The following ROBO2 variants were observed in gnomAD, a reference collection of about 807,000 sequenced individuals.
ROBO2 encodes roundabout guidance receptor 2.
A neutral mutation model predicts 160.8 loss-of-function variants in ROBO2; 53 were observed. The ratio of observed to expected loss-of-function variants is 0.33; its 90% CI spans 0.26 to 0.41. The LOEUF (loss-of-function observed/expected upper bound fraction) is 0.41, where lower values mean the gene tolerates loss of function less well. ROBO2 is among the 10% of genes least tolerant of loss of function. The pLI is 1.00. For missense variants in ROBO2, 1,577 were observed against 1,722.4 expected (o/e 0.92, Z 1.49); for synonymous variants, 664 against 611.7 (o/e 1.09, Z -1.26).
At chr3:77,504,009 G>C (rs2088069147) in intron 5 of ROBO2, among the ~76,000 whole-genome samples, 1 of 152,104 alleles carries the variant, frequency 6.6e-6, no homozygotes, top group Non-Finnish European at 1.5e-5. Flanking sequence ...TTTTTGGGGG[G>C]ATCTCTGTTT....
At chr3:76,234,857 A>G (rs139010392) in intron 2 of ROBO2, among the ~76,000 whole-genome samples, 1,969 of 152,252 alleles carry the variant, frequency 0.013, 32 homozygotes, top group African/African-American at 0.045. Context: ...ATATTTTGGA[A>G]GAAGAAAACT....
chr3:77,574,841 T>G (rs183759067), intron 14 of ROBO2, 111 bp downstream of exon 15: 1 of 806,590 alleles, frequency 1.2e-6, no homozygotes, highest in Non-Finnish European at 2.1e-6. Context: ...TAAAAGTAAA[T>G]TGAGGAAGTG....
intron 8 of ROBO2, among the ~76,000 whole-genome samples, chr3:77,555,791 A>C (rs2093096392): frequency 6.6e-6 from 1 of 151,956 alleles, no homozygotes. Context: ...AGATCACTGG[A>C]ATCCCTAAAT....
chr3:77,557,174 C>T lies in ROBO2; in HGVS notation c.1232-770C>T, dbSNP rs57612762. ...AGTATTTCATAAATAAAAAGCAATA[C>T]TAAGCTAAACATTTAGAAATTATGG... On this transcript the variant is annotated intron_variant, in intron 8 of 25. Coordinates refer to ENST00000461745, the Ensembl canonical transcript of ROBO2. 5.0e-3 allele frequency among the ~76,000 whole-genome samples: 754 copies of T among 151,968 alleles called. 7 individuals are homozygous for T. Among genetic ancestry groups the T allele is most frequent in the African/African-American group, 0.017 (717 of 41,512 alleles).
intron 2 of ROBO2, among the ~76,000 whole-genome samples, chr3:76,746,284 C>T (rs1482161474): frequency 2.0e-5 from 3 of 151,712 alleles, no homozygotes; most frequent in African/African-American, 4.8e-5. Context: ...AATAGTGCCG[C>T]AATAAACATA....
chr3:76,238,186 G>A (rs1705064937), intron 2 of ROBO2, among the ~76,000 whole-genome samples: 1 of 152,172 alleles, frequency 6.6e-6, no homozygotes, highest in Non-Finnish European at 1.5e-5. Flanking sequence ...GTGTTAGTCT[G>A]TTTTCACACT....
At chr3:77,180,117 G>A (rs1288390168) in intron 2 of ROBO2, among the ~76,000 whole-genome samples, 1 of 151,564 alleles carries the variant, frequency 6.6e-6, no homozygotes, top group Non-Finnish European at 1.5e-5. Flanking sequence ...GTGTTGATGA[G>A]ATCTAACACT....
intron 2 of ROBO2, among the ~76,000 whole-genome samples, chr3:76,544,263 T>A (rs964912565): frequency 6.6e-6 from 1 of 152,056 alleles, no homozygotes; most frequent in East Asian, 1.9e-4. Flanking sequence ...AAGTTCTTAC[T>A]AACAGATGTT....
intron 2 of ROBO2, among the ~76,000 whole-genome samples, chr3:76,801,373 C>A (rs1278436091): frequency 6.6e-6 from 1 of 152,004 alleles, no homozygotes; most frequent in Non-Finnish European, 1.5e-5. Flanking sequence ...TGACTACAGT[C>A]AGTAATAATT....
chr3:76,525,601 T>C (rs191409749), intron 2 of ROBO2, among the ~76,000 whole-genome samples: 89 of 152,124 alleles, frequency 5.9e-4, no homozygotes, highest in African/African-American at 2.0e-3. Flanking sequence ...TCTCAACCAA[T>C]GTGGCCAAAT....
At chr3:76,358,558 G>A (rs2075312643) in intron 2 of ROBO2, among the ~76,000 whole-genome samples, 2 of 151,992 alleles carry the variant, frequency 1.3e-5, no homozygotes, top group East Asian at 1.9e-4. Flanking sequence ...AAGCATGTTA[G>A]GATATTCACT....
intron 2 of ROBO2, among the ~76,000 whole-genome samples, chr3:77,234,651 T>C (rs9853328): frequency 0.021 from 3,152 of 152,320 alleles, 101 homozygotes; most frequent in African/African-American, 0.07. Context: ...AATTAAATGT[T>C]GCACTTTCTT....
chr3:76,420,717 C>T (rs2075960575), intron 2 of ROBO2, among the ~76,000 whole-genome samples: 1 of 151,942 alleles, frequency 6.6e-6, no homozygotes, highest in Non-Finnish European at 1.5e-5. Context: ...TGTATTTTTC[C>T]CTAAGAGATT....
intron 2 of ROBO2, among the ~76,000 whole-genome samples, chr3:77,289,593 G>C (rs1311280668): frequency 6.6e-6 from 1 of 151,990 alleles, no homozygotes; most frequent in East Asian, 1.9e-4. Flanking sequence ...GATCACCAAA[G>C]ACATAAAGTA....
At chr3:77,251,899 C>T (rs1019535867) in intron 2 of ROBO2, among the ~76,000 whole-genome samples, 2 of 152,104 alleles carry the variant, frequency 1.3e-5, no homozygotes, top group Non-Finnish European at 2.9e-5. Context: ...TATGAATTAC[C>T]CAGTCTCAGG....
At chr3:76,819,542 T>G (rs1387513839) in intron 2 of ROBO2, among the ~76,000 whole-genome samples, 2 of 151,968 alleles carry the variant, frequency 1.3e-5, no homozygotes, top group East Asian at 1.9e-4. Context: ...CTAAAAAGTG[T>G]AACTTAAGGA....
At chr3:77,003,394 A>G (rs1489163794) in intron 2 of ROBO2, among the ~76,000 whole-genome samples, 1 of 152,218 alleles carries the variant, frequency 6.6e-6, no homozygotes, top group Admixed American at 6.5e-5. Context: ...AAGATAGTAC[A>G]TATAAACTGG....
At chr3:77,568,717 G>T (rs192649561) in intron 13 of ROBO2, among the ~76,000 whole-genome samples, 1 of 151,928 alleles carries the variant, frequency 6.6e-6, no homozygotes, top group African/African-American at 2.4e-5. Flanking sequence ...ATGATTTTTA[G>T]TGTATTTAGA....
intron 2 of ROBO2, among the ~76,000 whole-genome samples, chr3:76,532,589 C>T (rs776546719): frequency 1.2e-4 from 19 of 152,146 alleles, no homozygotes; most frequent in Non-Finnish European, 2.2e-4. Context: ...TATTCTGTGT[C>T]AGTGGTGACA....
Sources: allele counts gnomAD v4.1 joint callset (sites outside exome capture counted in the v4.1 genomes callset), GRCh38; gene constraint gnomAD v4.1.1; transcripts MANE v1.5; gene names NCBI Gene and HGNC (gene_info 2026-07-23, HGNC 2026-07-21).